MGST1: variants seen among roughly 807,000 people sequenced by gnomAD.
MGST1 encodes glutathione S-transferase 12.
A neutral mutation model predicts 8.9 loss-of-function variants in MGST1; 5 were observed. The observed-to-expected ratio is 0.56, with a 90% CI of 0.29 to 1.19. The LOEUF (loss-of-function observed/expected upper bound fraction) is 1.19. Ranked by LOEUF, MGST1 falls within the 50% of genes most tolerant of loss-of-function variation. The probability of loss-of-function intolerance (pLI) is 0.08; values close to 1 mark genes in which losing one functional copy is unlikely to be tolerated. For missense variants in MGST1, 182 were observed against 187.4 expected, an observed-to-expected ratio of 0.97 and a Z score of 0.17; for synonymous variants, 54 against 67.8, an observed-to-expected ratio of 0.80 and a Z score of 1.00.
In MGST1 at chr12:16,544,365, T is replaced by C. The variant is rs545867856; in HGVS notation, n.483-45163T>C. Among the ~76,000 whole-genome samples, 2 of 152,096 alleles carry C rather than the reference T, an allele frequency of 1.3e-5. No homozygotes were observed. The highest frequency in any genetic ancestry group is 4.1e-4 in the South Asian group (2 of 4,820). On this transcript the variant is annotated intron_variant and non_coding_transcript_variant, in intron 4 of 4. Transcript: ENST00000538857. The surrounding 1 kb of genome is among the most constrained non-coding windows in gnomAD (Gnocchi z 4.8). Reference sequence around the variant, plus strand: ...AAGGGGAAGAGTTAATGTTAATGCATACAAAAGAGTTGTCATACAAAAGAG... The same window carrying C: ...AAGGGGAAGAGTTAATGTTAATGCACACAAAAGAGTTGTCATACAAAAGAG...
chr12:16,531,807 G>A (rs1296351382), intron 4 of MGST1, among the ~76,000 whole-genome samples: 1 of 152,142 alleles, frequency 6.6e-6, no homozygotes, highest in Non-Finnish European at 1.5e-5. Flanking sequence ...TAAATGCCAA[G>A]ACTGGCCCTG....
intron 4 of MGST1, among the ~76,000 whole-genome samples, chr12:16,443,934 G>T (rs1941058222): frequency 6.6e-6 from 1 of 151,932 alleles, no homozygotes. Flanking sequence ...TAAGATAGGA[G>T]GATCCAAAAG....
intron 1 of MGST1, among the ~76,000 whole-genome samples, chr12:16,416,374 C>T (rs530728893): frequency 1.3e-4 from 20 of 152,112 alleles, no homozygotes; most frequent in Non-Finnish European, 2.6e-4. Context: ...TATTGTAGTG[C>T]TAACACTGAG....
chr12:16,560,940 C>CTACT lies in MGST1; in HGVS notation n.483-28586_483-28583dup, dbSNP rs1942382022. On this transcript the variant is annotated intron_variant and non_coding_transcript_variant, in intron 4 of 4. Transcript: ENST00000538857. This position sits in a 1 kb window ranked among gnomAD's most constrained non-coding sequence, Gnocchi z 5.0. ...AAGGAACCAACTAATGAATGATTCA[C>CTACT]TACTTTTTGACATTTAGTTACTAAA... Among the ~76,000 whole-genome samples, 2 of 152,218 alleles carry CTACT rather than the reference C, an allele frequency of 1.3e-5. No homozygotes were observed. The highest frequency in any genetic ancestry group is 2.9e-5 in the Non-Finnish European group (2 of 68,004).
chr12:16,388,161 T>C (rs75099693), intron 1 of MGST1, among the ~76,000 whole-genome samples: 70,351 of 150,800 alleles, frequency 0.47, 16,598 homozygotes, highest in East Asian at 0.73. Flanking sequence ...TGACAAAAAC[T>C]GCAATTACTT....
chr12:16,456,389 A>C (rs187809466), intron 4 of MGST1, among the ~76,000 whole-genome samples: 10 of 152,030 alleles, frequency 6.6e-5, no homozygotes, highest in Admixed American at 6.6e-4. Context: ...AATATAGTTT[A>C]TCTTAATTTT....
At position 16,537,286 on chromosome 12, in the gene MGST1, G is replaced by T. The variant is rs1199283193; in HGVS notation, n.483-52242G>T. ...CAGGTCATGCTGATGCAAGAGGTAG[G>T]TTCCCATAGTCTTGGGCAACTCCAC... On this transcript the variant is annotated intron_variant and non_coding_transcript_variant, in intron 4 of 4. Coordinates refer to the MGST1 transcript ENST00000538857. This position sits in a 1 kb window ranked among gnomAD's most constrained non-coding sequence, Gnocchi z 4.6. Among the ~76,000 whole-genome samples the T allele has an allele frequency of 6.6e-6, 1 of 152,196 alleles. No individual in the cohort carries two copies. Among genetic ancestry groups the T allele is most frequent in the East Asian group, 1.9e-4 (1 of 5,190 alleles).
chr12:16,356,453 A>G (rs1939717475), intron 2 of MGST1, among the ~76,000 whole-genome samples: 1 of 152,152 alleles, frequency 6.6e-6, no homozygotes, highest in African/African-American at 2.4e-5. Flanking sequence ...ATGTTGAGGA[A>G]AACTGATGGG....
chr12:16,490,027 CT>C (rs1342075749), intron 4 of MGST1, among the ~76,000 whole-genome samples: 2 of 152,056 alleles, frequency 1.3e-5, no homozygotes, highest in African/African-American at 4.8e-5. Flanking sequence ...CTTTGGAGGC[CT>C]AGGTGGGAAA....
intron 3 of MGST1, among the ~76,000 whole-genome samples, chr12:16,359,193 C>T (rs1250959082): frequency 1.3e-5 from 2 of 152,166 alleles, no homozygotes; most frequent in East Asian, 3.9e-4. Context: ...TGGCCTTCAG[C>T]GTCCTCTCTT....
chr12:16,409,165 T>G (rs1940719885), intron 1 of MGST1, among the ~76,000 whole-genome samples: 1 of 152,144 alleles, frequency 6.6e-6, no homozygotes, highest in South Asian at 2.1e-4. Flanking sequence ...GATACCTAGT[T>G]TCCTTGAACA....
At chr12:16,523,136 G>C (rs1174428101) in intron 4 of MGST1, among the ~76,000 whole-genome samples, 1 of 151,872 alleles carries the variant, frequency 6.6e-6, no homozygotes, top group Non-Finnish European at 1.5e-5. Context: ...AAAACAATCT[G>C]TCAGTTCTAT....
chr12:16,397,721 T>C (rs1940617380), intron 1 of MGST1, among the ~76,000 whole-genome samples: 2 of 150,790 alleles, frequency 1.3e-5, no homozygotes, highest in South Asian at 4.2e-4. Context: ...ATCAGGGAAA[T>C]GTCTTTATAT....
In MGST1 at chr12:16,364,156, G is replaced by T; in HGVS notation, c.*115G>T. On this transcript the variant is annotated 3_prime_UTR_variant, in exon 4 of 4. Coordinates refer to ENST00000396210, the MANE Select transcript of MGST1 (RefSeq NM_020300.5). The surrounding 1 kb of genome is among the most constrained non-coding windows in gnomAD (Gnocchi z 5.7). ...AGGGGAGCAGAGGAATTATGAACTG[G>T]GGTAAACCCATTTTGAATATTAGCA... is the stretch of plus-strand genomic sequence containing the variant. 7.1e-7 allele frequency: 1 copy of T among 1,401,322 alleles called. No homozygotes were observed. The highest frequency in any genetic ancestry group is 9.3e-7 in the Non-Finnish European group (1 of 1,074,136). 86.8% of individuals were successfully genotyped at this position (1,401,322 alleles called of 1,614,324 possible). A position where few individuals can be genotyped will look rare whatever the true frequency, so the allele number is the denominator to read the frequency against.
chr12:16,452,200 A>C (rs931616325), intron 4 of MGST1, among the ~76,000 whole-genome samples: 12 of 151,842 alleles, frequency 7.9e-5, no homozygotes, highest in Admixed American at 6.6e-4. Flanking sequence ...TCTTTCTATA[A>C]GATAGCCAAT....
Position 16,363,136 on chromosome 12 carries a change from C to T in MGST1, c.222-659C>T, listed in dbSNP as rs1205585244. ...TCTCTCTTTCTCTCTTTCACCTATC[C>T]TACTTTTTGTGTGTCCTTTGTAGTT... On this transcript the variant is annotated intron_variant, in intron 3 of 3. Coordinates refer to ENST00000396210, the MANE Select transcript of MGST1 (RefSeq NM_020300.5). This position sits in a 1 kb window ranked among gnomAD's most constrained non-coding sequence, Gnocchi z 4.6. 2 of 152,096 alleles carry T rather than the reference C, an allele frequency of 1.3e-5. No individual in the cohort carries two copies. Among genetic ancestry groups the T allele is most frequent in the Admixed American group, 6.6e-5 (1 of 15,266 alleles). 9.4% of individuals were successfully genotyped at this position (152,096 alleles called of 1,614,324 possible).
chr12:16,461,024 T>C (rs1053106950), intron 4 of MGST1, among the ~76,000 whole-genome samples: 2 of 151,936 alleles, frequency 1.3e-5, no homozygotes, highest in African/African-American at 4.8e-5. Flanking sequence ...ATGAGTGAAG[T>C]GGATGTGGAG....
At chr12:16,561,859 A>C (rs1397435049) in intron 4 of MGST1, among the ~76,000 whole-genome samples, 2 of 152,232 alleles carry the variant, frequency 1.3e-5, no homozygotes, top group African/African-American at 2.4e-5. Context: ...TTGAAGGTAG[A>C]AACAATAAAT....
downstream of MGST1, among the ~76,000 whole-genome samples, chr12:16,369,012 G>T (rs1432181208): frequency 6.7e-6 from 1 of 150,054 alleles, no homozygotes; most frequent in Non-Finnish European, 1.5e-5. This position sits in a 1 kb window ranked among gnomAD's most constrained non-coding sequence, Gnocchi z 4.8. Context: ...TGGAGAGTTA[G>T]AGGTTGCCTA....
Sources: allele counts gnomAD v4.1 joint callset (sites outside exome capture counted in the v4.1 genomes callset), GRCh38; gene constraint gnomAD v4.1.1; non-coding constraint Gnocchi (gnomAD v3.1); transcripts MANE v1.5; gene names NCBI Gene and HGNC (gene_info 2026-07-23, HGNC 2026-07-21).